The following SH2D4B variants were observed in gnomAD, a reference collection of about 807,000 sequenced individuals.
SH2D4B encodes the protein SH2 domain containing 4B.
A neutral mutation model predicts 61.5 loss-of-function variants in SH2D4B; 45 were observed. The ratio of observed to expected loss-of-function variants is 0.73; its 90% CI spans 0.58 to 0.94. SH2D4B has a LOEUF of 0.94. SH2D4B is among the 40% of genes least tolerant of loss of function. The pLI is 0.00. For missense variants in SH2D4B, 572 were observed against 574.2 expected (o/e 1.00, Z 0.04); for synonymous variants, 224 against 220.4 (o/e 1.02, Z -0.14).
intron 1 of SH2D4B, among the ~76,000 whole-genome samples, chr10:80,542,948 G>T (rs1841602339): frequency 2.0e-5 from 3 of 152,210 alleles, no homozygotes; most frequent in Admixed American, 1.3e-4. Context: ...AGTGCTCTGA[G>T]CCCAGTGGGG....
chr10:80,572,681 G>C (rs1394333916), intron 3 of SH2D4B, among the ~76,000 whole-genome samples: 1 of 151,394 alleles, frequency 6.6e-6, no homozygotes, highest in Non-Finnish European at 1.5e-5. Flanking sequence ...GTTCAATGGC[G>C]TGATCTCGGT....
At chr10:80,640,760 A>T (rs1293853151) in intron 7 of SH2D4B, among the ~76,000 whole-genome samples, 2 of 151,966 alleles carry the variant, frequency 1.3e-5, no homozygotes, top group Non-Finnish European at 2.9e-5. Context: ...GGGGAAATTT[A>T]TTATTACTGA....
intron 6 of SH2D4B, among the ~76,000 whole-genome samples, chr10:80,627,135 AG>A (rs1842774930): frequency 6.6e-6 from 1 of 152,108 alleles, no homozygotes; most frequent in Non-Finnish European, 1.5e-5. Context: ...CATTTCTGGG[AG>A]GGTAGGGGTC....
chr10:80,604,059 C>T (rs1376016181), intron 5 of SH2D4B, among the ~76,000 whole-genome samples: 1 of 152,166 alleles, frequency 6.6e-6, no homozygotes, highest in African/African-American at 2.4e-5. Flanking sequence ...AGCGGTGTAC[C>T]TTCTTCCCCC....
chr10:80,624,967 A>C (rs1332282044), intron 6 of SH2D4B, among the ~76,000 whole-genome samples: 1 of 152,204 alleles, frequency 6.6e-6, no homozygotes, highest in East Asian at 1.9e-4. Flanking sequence ...CAAATCCTAA[A>C]GCCCTCACCT....
At chr10:80,567,715 A>G (rs1465640246) in intron 1 of SH2D4B, among the ~76,000 whole-genome samples, 1 of 152,212 alleles carries the variant, frequency 6.6e-6, no homozygotes, top group East Asian at 1.9e-4. Context: ...TGCAGTGAAG[A>G]GAATTCCTTG....
intron 6 of SH2D4B, among the ~76,000 whole-genome samples, chr10:80,632,019 C>T (rs985359116): frequency 2.6e-5 from 4 of 152,150 alleles, no homozygotes; most frequent in African/African-American, 9.7e-5. Context: ...ATCACTGCAG[C>T]CTTGAACTTC....
chr10:80,552,439 CT>C (rs1394508197), intron 1 of SH2D4B, among the ~76,000 whole-genome samples: 17 of 152,344 alleles, frequency 1.1e-4, no homozygotes, highest in African/African-American at 3.6e-4. Flanking sequence ...TGTCTCTCCC[CT>C]GGGATTCTTT....
At position 80,541,735 on chromosome 10, in the gene SH2D4B, G is replaced by A. The variant is rs543101851; in HGVS notation, c.184+3220G>A. On this transcript the variant is annotated intron_variant, in intron 1 of 7. Transcript: ENST00000646907. Reference sequence around the variant, plus strand: ...GAGAACCTCACAGCCCCGGAGTTGTGCCTGGTGAGGGTGCGAGTAAACACT... The same window carrying A: ...GAGAACCTCACAGCCCCGGAGTTGTACCTGGTGAGGGTGCGAGTAAACACT... Among the ~76,000 whole-genome samples the A allele has an allele frequency of 4.6e-5, 7 of 152,316 alleles. No individual in the cohort carries two copies. In the South Asian group the frequency reaches 1.2e-3, roughly 27 times the overall value.
At chr10:80,621,061 C>A (rs1240655249) in intron 6 of SH2D4B, among the ~76,000 whole-genome samples, 3 of 152,188 alleles carry the variant, frequency 2.0e-5, no homozygotes, top group Non-Finnish European at 4.4e-5. Context: ...TTTTCTTGTT[C>A]TATAACTTTT....
chr10:80,599,475 A>C (rs1260320491), intron 4 of SH2D4B, among the ~76,000 whole-genome samples: 1 of 152,084 alleles, frequency 6.6e-6, no homozygotes, highest in Non-Finnish European at 1.5e-5. Context: ...TCTCCTCTTG[A>C]ATTAGCTCAG....
At chr10:80,633,199 G>T (rs954844348) in intron 6 of SH2D4B, among the ~76,000 whole-genome samples, 2 of 151,888 alleles carry the variant, frequency 1.3e-5, no homozygotes, top group African/African-American at 4.8e-5. Context: ...GAGATGGGCA[G>T]CCCAGCCACT....
chr10:80,622,539 A>G (rs1212322575), intron 6 of SH2D4B, among the ~76,000 whole-genome samples: 1 of 152,034 alleles, frequency 6.6e-6, no homozygotes, highest in Non-Finnish European at 1.5e-5. Flanking sequence ...TCCCTTCCCC[A>G]TGGGTCTATA....
At chr10:80,627,071 C>T (rs11186332) in intron 6 of SH2D4B, among the ~76,000 whole-genome samples, 5,114 of 152,186 alleles carry the variant, frequency 0.034, 304 homozygotes, top group African/African-American at 0.12. Flanking sequence ...GTGACATAAG[C>T]GTCTCACAGG....
chr10:80,593,984 A>G (rs1006610246), intron 4 of SH2D4B, among the ~76,000 whole-genome samples: 4 of 151,858 alleles, frequency 2.6e-5, no homozygotes, highest in Non-Finnish European at 4.4e-5. Context: ...TAATTTATAT[A>G]TATATATTTT....
chr10:80,620,228 T>TC lies in SH2D4B; in HGVS notation c.988+10684dup, dbSNP rs781003017. 9.6e-4 allele frequency among the ~76,000 whole-genome samples: 146 copies of TC among 152,084 alleles called. 1 individual carries two copies. Among genetic ancestry groups the TC allele is most frequent in the South Asian group, 2.9e-3 (14 of 4,808 alleles). On this transcript the variant is annotated intron_variant, in intron 6 of 7. Coordinates refer to ENST00000646907, the MANE Select transcript of SH2D4B (RefSeq NM_001388272.1). ...AGGTGATTGGATCATGGGGGGCGGT[T>TC]CCCCCCCTTGCTGTTCTCATGGTAA...
At chr10:80,591,505 C>CTTTTT (rs763446349) in intron 4 of SH2D4B, among the ~76,000 whole-genome samples, 40 of 108,912 alleles carry the variant, frequency 3.7e-4, no homozygotes, top group African/African-American at 9.0e-4. Context: ...GCCAAACTGG[C>CTTTTT]TTTTTTTTTT....
chr10:80,569,219 A>G (rs1842007930), intron 1 of SH2D4B, among the ~76,000 whole-genome samples: 1 of 152,148 alleles, frequency 6.6e-6, no homozygotes, highest in African/African-American at 2.4e-5. Context: ...TCACACCACC[A>G]CCTGATTCCT....
intron 1 of SH2D4B, among the ~76,000 whole-genome samples, chr10:80,554,974 A>G (rs974981475): frequency 1.5e-5 from 2 of 135,436 alleles, no homozygotes; most frequent in African/African-American, 2.9e-5. Flanking sequence ...GCGCCACTGC[A>G]CTCCAGCCTG....
Sources: gnomAD v4.1 joint callset for allele counts (sites outside exome capture counted in the v4.1 genomes callset) on GRCh38, gnomAD v4.1.1 for gene constraint, MANE v1.5 for transcripts, NCBI Gene and HGNC (gene_info 2026-07-23, HGNC 2026-07-21) for gene names.